Variants in GAK observed in about 807,000 individuals in gnomAD.
GAK encodes the protein cyclin-G-associated kinase.
Under a neutral mutation model 143.9 loss-of-function variants are expected in GAK, and 79 were observed. That is an observed-to-expected ratio of 0.55 (90% CI 0.46 to 0.66). The LOEUF (loss-of-function observed/expected upper bound fraction) is 0.66, where lower values mean the gene tolerates loss of function less well. GAK is among the 30% of genes least tolerant of loss of function. GAK has a pLI of 0.00. For synonymous variants in GAK, 881 were observed against 765.5 expected (o/e 1.15, Z -2.49); for missense variants, 1,693 against 1,779.7 (o/e 0.95, Z 0.88).
chr4:902,596 C>CAAA lies in GAK; in HGVS notation c.525+2038_525+2040dup, dbSNP rs768017849. 1.5e-4 allele frequency among the ~76,000 whole-genome samples: 9 copies of CAAA among 60,722 alleles called. 1 individual carries two copies. Among genetic ancestry groups the CAAA allele is most frequent in the African/African-American group, 2.5e-4 (3 of 12,184 alleles). 39.8% of individuals were successfully genotyped at this position (60,722 alleles called of 152,430 possible). A position where few individuals can be genotyped will look rare whatever the true frequency, so the allele number is the denominator to read the frequency against. The stretch of plus-strand genomic sequence containing the variant: ...AGCCTGGGCTGTAGAGTGACTGACT[C>CAAA]AAAAAAAAAAAAAAAAAACCCCAAA... On this transcript the variant is annotated intron_variant, in intron 5 of 27. Transcript: ENST00000314167.
chr4:905,766 GCCA>G (rs1186553712), intron 4 of GAK, among the ~76,000 whole-genome samples: 4 of 152,122 alleles, frequency 2.6e-5, no homozygotes, highest in Non-Finnish European at 5.9e-5. Context: ...TACTGCAGAC[GCCA>G]CCACACCAGG....
intron 10 of GAK, among the ~76,000 whole-genome samples, chr4:890,279 C>T (rs988816238): frequency 5.3e-5 from 8 of 152,180 alleles, no homozygotes; most frequent in Non-Finnish European, 8.8e-5. Context: ...GGAGCCTCTT[C>T]CCTTGGCTGG....
intron 11 of GAK, among the ~76,000 whole-genome samples, chr4:885,161 A>G (rs909902185): frequency 1.3e-5 from 2 of 152,096 alleles, no homozygotes; most frequent in African/African-American, 4.8e-5. Flanking sequence ...CGGGTCTTCC[A>G]AAGCAACAAG....
chr4:877,658 C>G lies in GAK; in HGVS notation c.1813G>C (p.Asp605His). The G allele has an allele frequency of 1.9e-6, 3 of 1,609,134 alleles. No homozygotes were observed. The highest frequency in any genetic ancestry group is 1.7e-6 in the Non-Finnish European group (2 of 1,177,482). The change falls in exon 16 of 28, where the codon GAC becomes CAC. Residue 605 changes from aspartate (D) to histidine (H), a missense_variant. Coordinates refer to ENST00000314167, the MANE Select transcript of GAK (RefSeq NM_005255.4). ...TGGGAGGTGCTGGCCACACGCTCGT[C>G]CCCCACGTAGACCTCGCAGAAGGGC... is the stretch of plus-strand genomic sequence containing the variant. ...CRPFCEVYVG[D>H]ERVASTSQEY...
At chr4:852,962 C>G (rs1748441757) in intron 24 of GAK, 1 of 152,180 alleles carries the variant, frequency 6.6e-6, no homozygotes, top group African/African-American at 2.4e-5. Context: ...GGATTCCTCT[C>G]AGCACCACAG....
intron 15 of GAK, among the ~76,000 whole-genome samples, chr4:881,542 A>G (rs1251347852): frequency 2.0e-5 from 3 of 152,210 alleles, no homozygotes; most frequent in African/African-American, 7.2e-5. Context: ...GACTGTACTC[A>G]TGTCTGAGCA....
intron 20 of GAK, 89 bp downstream of exon 20, chr4:868,450 G>A (rs1433602147): frequency 1.3e-5 from 19 of 1,418,728 alleles, no homozygotes; most frequent in Middle Eastern, 2.5e-4. Flanking sequence ...CCGGAGGCCC[G>A]TCTCCCAAGA....
chr4:913,744 A>T lies in GAK; in HGVS notation c.146-76T>A, dbSNP rs1214217055. ...ATCAGGCTTTAAAAATACCTTCACT[A>T]AGTAAAATACAAATTGACTTGTGGC... is the stretch of plus-strand genomic sequence containing the variant. On this transcript the variant is annotated intron_variant, in intron 1 of 27. Transcript: ENST00000314167. The T allele has an allele frequency of 2.4e-6, 3 of 1,227,278 alleles. No homozygotes were observed. In the East Asian group the frequency reaches 7.0e-5, roughly 29 times the overall value. The allele number at this position is 1,227,278 out of a possible 1,614,324, so 76.0% of individuals were successfully genotyped here. A position where few individuals can be genotyped will look rare whatever the true frequency, so the allele number is the denominator to read the frequency against.
intron 27 of GAK, 26 bp from the exon 28 acceptor site, chr4:849,800 C>A: frequency 6.2e-7 from 1 of 1,603,678 alleles, no homozygotes. Flanking sequence ...GGTGTAAGCG[C>A]CTCTTATAAG....
intron 18 of GAK, among the ~76,000 whole-genome samples, chr4:875,299 T>C (rs1197267412): frequency 1.3e-5 from 2 of 152,048 alleles, no homozygotes; most frequent in Non-Finnish European, 2.9e-5. Flanking sequence ...GTTGCGAATA[T>C]GTGAGTTAAA....
At chr4:894,069 C>G in intron 7 of GAK, 60 bp from the exon 8 acceptor site, 1 of 1,479,390 alleles carries the variant, frequency 6.8e-7, no homozygotes. Context: ...GACGCCTGGG[C>G]CTGCGGGGAG....
chr4:871,747 G>A (rs776668931), intron 18 of GAK, among the ~76,000 whole-genome samples: 90 of 152,040 alleles, frequency 5.9e-4, no homozygotes, highest in Non-Finnish European at 9.1e-4. Context: ...GGTGTTGGCC[G>A]CACGGGGAGG....
intron 1 of GAK, among the ~76,000 whole-genome samples, chr4:919,527 C>G (rs1368869274): frequency 6.6e-6 from 1 of 152,250 alleles, no homozygotes; most frequent in Admixed American, 6.5e-5. Context: ...TCCTCAAACG[C>G]AGCAGGCCCA....
intron 19 of GAK, among the ~76,000 whole-genome samples, chr4:870,371 G>C (rs1712288269): frequency 6.6e-6 from 1 of 152,208 alleles, no homozygotes; most frequent in Non-Finnish European, 1.5e-5. Context: ...CACAGTGAGA[G>C]TGGACGTGTG....
At chr4:929,365 C>G (rs1314248504) in intron 1 of GAK, among the ~76,000 whole-genome samples, 1 of 152,196 alleles carries the variant, frequency 6.6e-6, no homozygotes, top group Non-Finnish European at 1.5e-5. Flanking sequence ...TCTTTTCTGC[C>G]TCAATTTATC....
chr4:887,849 G>C (rs1716819062), intron 11 of GAK: 1 of 152,410 alleles, frequency 6.6e-6, no homozygotes, highest in Admixed American at 6.5e-5. Flanking sequence ...CAGCACACAT[G>C]CTCATACCAG....
At chr4:874,968 G>C (rs1388811609) in intron 18 of GAK, among the ~76,000 whole-genome samples, 1 of 152,138 alleles carries the variant, frequency 6.6e-6, no homozygotes, top group Admixed American at 6.5e-5. Context: ...TGTTAATCAT[G>C]TACTGAAGCC....
chr4:877,915 T>G, intron 15 of GAK, 106 bp from the exon 16 acceptor site: 1 of 987,734 alleles, frequency 1.0e-6, no homozygotes, highest in Non-Finnish European at 1.5e-6. Flanking sequence ...ATTTCCCTTG[T>G]AGCAATGTTT....
At chr4:899,050 G>A (rs1273999267) in intron 5 of GAK, among the ~76,000 whole-genome samples, 1 of 152,188 alleles carries the variant, frequency 6.6e-6, no homozygotes. Context: ...CAGCAACGCA[G>A]TGACTCAGCC....
Sources: allele counts gnomAD v4.1 joint callset (sites outside exome capture counted in the v4.1 genomes callset), GRCh38; gene constraint gnomAD v4.1.1; transcripts MANE v1.5; gene names NCBI Gene and HGNC (gene_info 2026-07-23, HGNC 2026-07-21).